Variants in VWF observed in about 807,000 individuals in gnomAD.
The protein encoded by VWF is von Willebrand factor.
Under a neutral mutation model 308.6 loss-of-function variants are expected in VWF, and 176 were observed. The observed-to-expected ratio is 0.57, with a 90% confidence interval of 0.50 to 0.65. The LOEUF is 0.65. Ranked by LOEUF, VWF falls within the 30% of genes least tolerant of loss-of-function variation. VWF has a pLI of 0.00. For synonymous variants in VWF, 1,385 were observed against 1,443.4 expected (o/e 0.96, Z 0.92); for missense variants, 3,146 against 3,648.2 (o/e 0.86, Z 3.55).
Position 5,991,881 on chromosome 12 carries a change from C to T in VWF, c.6736G>A (p.Gly2246Ser), listed in dbSNP as rs1193930321. The change falls in exon 38 of 52, where the codon GGC becomes AGC. Residue 2246 changes from glycine (G) to serine (S), a missense_variant. Gly to Ser is a moderately conservative substitution (Grantham distance 56). Around this residue, in one of 3 missense-constraint regions of VWF, gnomAD observed 989 missense variants for 1,117.4 expected, o/e 0.89. Transcript: ENST00000261405. The stretch of plus-strand genomic sequence containing the variant: ...CAGGCCTCTTCAGGGACACAGCTGC[C>T]TTCCAACATGACTTTATCTGGAGGG... ...FCPPDKVMLE[G>S]SCVPEEACTQ... 2 of 1,614,244 alleles carry T rather than the reference C, an allele frequency of 1.2e-6. No homozygotes were observed. Among genetic ancestry groups the T allele is most frequent in the Admixed American group, 1.7e-5 (1 of 60,032 alleles).
intron 15 of VWF, among the ~76,000 whole-genome samples, chr12:6,053,980 C>T (rs1944547358): frequency 6.6e-6 from 1 of 152,182 alleles, no homozygotes; most frequent in Admixed American, 6.5e-5. Context: ...GCATTCTGCC[C>T]TTTCAAAATG....
intron 6 of VWF, among the ~76,000 whole-genome samples, chr12:6,087,354 CTTTTTTTTTT>C (rs948166436): frequency 1.4e-4 from 17 of 118,776 alleles, no homozygotes; most frequent in African/African-American, 5.1e-4. Flanking sequence ...AGACTTAACT[CTTTTTTTTTT>C]TTTTTTTTTT....
At chr12:6,017,323 G>C (rs1944074473) in intron 28 of VWF, among the ~76,000 whole-genome samples, 1 of 152,180 alleles carries the variant, frequency 6.6e-6, no homozygotes, top group South Asian at 2.1e-4. Flanking sequence ...GATTCTTCCA[G>C]CTATAAATGC....
chr12:6,030,305 G>T (rs1223945282), intron 21 of VWF, among the ~76,000 whole-genome samples: 1 of 152,230 alleles, frequency 6.6e-6, no homozygotes, highest in African/African-American at 2.4e-5. Context: ...GCTGTTCTTT[G>T]AAATGCAGTT....
intron 2 of VWF, among the ~76,000 whole-genome samples, chr12:6,122,424 G>A (rs190248644): frequency 2.0e-5 from 3 of 152,306 alleles, no homozygotes; most frequent in Admixed American, 6.5e-5. Flanking sequence ...CACTGACTAT[G>A]GGTGTGTGTG....
At chr12:6,085,769 C>T (rs967011201) in intron 6 of VWF, among the ~76,000 whole-genome samples, 4 of 152,098 alleles carry the variant, frequency 2.6e-5, no homozygotes, top group Non-Finnish European at 5.9e-5. Flanking sequence ...TTAGGACAAA[C>T]ACCTAATGCA....
chr12:6,034,563 A>G, intron 20 of VWF, 125 bp downstream of exon 20: 1 of 1,416,348 alleles, frequency 7.1e-7, no homozygotes, highest in South Asian at 1.2e-5. Context: ...ACTGGGAAGT[A>G]CTCCAGTAGA....
intron 21 of VWF, among the ~76,000 whole-genome samples, chr12:6,030,886 G>A (rs1404335813): frequency 6.6e-6 from 1 of 152,094 alleles, no homozygotes; most frequent in African/African-American, 2.4e-5. Flanking sequence ...GAAATTAGCC[G>A]GGCACGGTGG....
chr12:6,120,779 G>A (rs1945421552), intron 3 of VWF, among the ~76,000 whole-genome samples: 1 of 152,172 alleles, frequency 6.6e-6, no homozygotes, highest in African/African-American at 2.4e-5. Context: ...GAAGTCCTCA[G>A]CATAAGCTGA....
intron 3 of VWF, among the ~76,000 whole-genome samples, chr12:6,115,020 G>T (rs1032910809): frequency 1.3e-5 from 2 of 152,248 alleles, no homozygotes; most frequent in African/African-American, 4.8e-5. Flanking sequence ...CGGAGCAGGG[G>T]AGTGGCAAGG....
chr12:6,123,876 G>C (rs1945458894), intron 1 of VWF, among the ~76,000 whole-genome samples: 1 of 152,062 alleles, frequency 6.6e-6, no homozygotes, highest in Non-Finnish European at 1.5e-5. Context: ...ATTCATCCTG[G>C]CTGGCAGAGC....
intron 47 of VWF, among the ~76,000 whole-genome samples, chr12:5,956,551 G>C (rs971773811): frequency 3.3e-5 from 5 of 151,738 alleles, no homozygotes; most frequent in African/African-American, 4.8e-5. Flanking sequence ...GCTGAGGCAG[G>C]AGGATCAGTT....
rs140176503 is a variant in VWF at position 6,106,623 on chromosome 12, C to T, written c.532+3751G>A. On this transcript the variant is annotated intron_variant, in intron 5 of 51. Coordinates refer to ENST00000261405, the MANE Select transcript of VWF (RefSeq NM_000552.5). ...GCGCGGTGGCTCACGCCTGTAATCC[C>T]AGCACTTTGGGAGGCTAAGCGGAGG... Among the ~76,000 whole-genome samples the T allele has an allele frequency of 2.2e-3, 331 of 152,192 alleles. 4 individuals carry two copies. The highest frequency in any genetic ancestry group is 7.7e-3 in the African/African-American group (320 of 41,534).
At chr12:5,990,603 A>G (rs1267792523) in intron 38 of VWF, among the ~76,000 whole-genome samples, 3 of 152,122 alleles carry the variant, frequency 2.0e-5, no homozygotes, top group East Asian at 1.9e-4. Context: ...AGTGCAGTCC[A>G]TGATCACAAA....
chr12:6,090,626 CCTT>C (rs1364070672), intron 6 of VWF, among the ~76,000 whole-genome samples: 682 of 70,918 alleles, frequency 9.6e-3, no homozygotes, highest in African/African-American at 0.028. Context: ...TCCTCCTCCT[CCTT>C]CTCGTCCTCC....
At position 5,976,278 on chromosome 12, in the gene VWF, C is replaced by T. The variant is rs375417286; in HGVS notation, c.7288-18G>A. On this transcript the variant is annotated intron_variant, in intron 42 of 51. Transcript: ENST00000261405. ...ACACACACCTGTAGACATAAGTTTT[C>T]GTGAGTGAACTCATTTGTTTCATTG... The T allele has an allele frequency of 4.3e-5, 69 of 1,614,010 alleles. No homozygotes were observed. Among genetic ancestry groups the T allele is most frequent in the Non-Finnish European group, 5.2e-5 (61 of 1,180,040 alleles).
intron 18 of VWF, among the ~76,000 whole-genome samples, chr12:6,041,068 T>C (rs1315191094): frequency 2.0e-5 from 3 of 152,160 alleles, no homozygotes; most frequent in Non-Finnish European, 4.4e-5. Flanking sequence ...TCATGTTATG[T>C]CTGTTATATG....
chr12:5,971,534 G>A, intron 44 of VWF, 65 bp downstream of exon 44: 1 of 1,317,514 alleles, frequency 7.6e-7, no homozygotes. Context: ...TGAAACCAAG[G>A]TCAACGCTGG....
In VWF at chr12:6,019,448, C is replaced by T. The variant is rs61749398; in HGVS notation, c.3970G>A (p.Gly1324Ser). The change falls in exon 28 of 52, where the codon GGC (glycine) becomes AGC (serine). Residue 1324 changes from glycine (G) to serine (S), a missense_variant. Coordinates refer to ENST00000261405, the MANE Select transcript of VWF (RefSeq NM_000552.5). This position sits in a 1 kb window ranked among gnomAD's most constrained non-coding sequence, Gnocchi z 5.8. ...TTGAGCCCGATGTAGGCGTGGGAGCCGTCGTGGTACTCCACCACGGCCACG... is the reference window on the plus strand; with the variant it reads ...TTGAGCCCGATGTAGGCGTGGGAGCTGTCGTGGTACTCCACCACGGCCACG... ...VRVAVVEYHD[G>S]SHAYIGLKDR... The T allele has an allele frequency of 4.3e-6, 7 of 1,613,746 alleles. No homozygotes were observed. Among genetic ancestry groups the T allele is most frequent in the South Asian group, 2.2e-5 (2 of 91,074 alleles).
Sources: allele counts gnomAD v4.1 joint callset (sites outside exome capture counted in the v4.1 genomes callset), GRCh38; gene constraint gnomAD v4.1.1; regional missense constraint gnomAD v4.1.1; non-coding constraint Gnocchi (gnomAD v3.1); transcripts MANE v1.5; gene names NCBI Gene and HGNC (gene_info 2026-07-23, HGNC 2026-07-21).